Variants in ANKRD26 observed in about 807,000 individuals in gnomAD.
The protein encoded by ANKRD26 is ankyrin repeat domain-containing protein 26.
In ANKRD26, 141 loss-of-function variants were observed where a neutral mutation model predicts 208.7. The ratio of observed to expected loss-of-function variants is 0.68; its 90% CI spans 0.59 to 0.78. The LOEUF is 0.78. Ranked by LOEUF, ANKRD26 falls within the 30% of genes least tolerant of loss-of-function variation. The pLI, the probability that ANKRD26 is intolerant of heterozygous loss-of-function variation, is 0.00. For synonymous variants in ANKRD26, 636 were observed against 660.4 expected (o/e 0.96, Z 0.57); for missense variants, 1,889 against 1,938.7 (o/e 0.97, Z 0.48).
intron 6 of ANKRD26, among the ~76,000 whole-genome samples, chr10:27,082,441 A>C (rs942945033): frequency 3.8e-4 from 58 of 152,330 alleles, no homozygotes; most frequent in African/African-American, 1.4e-3. Context: ...AAAAACTCTG[A>C]GAGTTAACAT....
chr10:27,046,590 A>G, intron 17 of ANKRD26, 67 bp from the exon 18 acceptor site: 1 of 1,461,002 alleles, frequency 6.8e-7, no homozygotes, highest in South Asian at 1.2e-5. Flanking sequence ...ACATGCAGAA[A>G]GAGAGTTAAG....
the ANKRD26 span, among the ~76,000 whole-genome samples, chr10:26,954,776 G>T: frequency 1.3e-5 from 2 of 152,018 alleles, no homozygotes; most frequent in Admixed American, 6.6e-5. Flanking sequence ...TATGTTCTGA[G>T]AATCTAAAGC....
chr10:27,044,346 A>C (rs2054367488), intron 18 of ANKRD26, among the ~76,000 whole-genome samples, 156 bp from the exon 19 acceptor site: 1 of 152,170 alleles, frequency 6.6e-6, no homozygotes, highest in Non-Finnish European at 1.5e-5. Context: ...AATATAAAAG[A>C]TAATAACTTT....
At chr10:27,051,920 T>G (rs2054676156) in intron 16 of ANKRD26, 1 of 985,280 alleles carries the variant, frequency 1.0e-6, no homozygotes, top group African/African-American at 1.7e-5. Context: ...TGATGAGTTT[T>G]AAGTTATTTT....
At chr10:26,978,997 C>T (rs766168594) in intron 5 of ANKRD26, among the ~76,000 whole-genome samples, 4 of 152,056 alleles carry the variant, frequency 2.6e-5, no homozygotes, top group East Asian at 1.9e-4. Flanking sequence ...CCGAGGCGGG[C>T]GGATCACGAG....
intron 15 of ANKRD26, among the ~76,000 whole-genome samples, chr10:27,053,643 TTAA>T (rs747870256): frequency 6.6e-6 from 1 of 152,200 alleles, no homozygotes; most frequent in Non-Finnish European, 1.5e-5. Flanking sequence ...AAGTATCAAC[TTAA>T]TGAGGTATCT....
chr10:26,953,836 G>A, the ANKRD26 span, among the ~76,000 whole-genome samples: 1 of 152,110 alleles, frequency 6.6e-6, no homozygotes, highest in Non-Finnish European at 1.5e-5. Context: ...TTTGTTCCAT[G>A]GCTGGTGATC....
At position 27,076,997 on chromosome 10, in the gene ANKRD26, A is replaced by G. The variant is rs554039035; in HGVS notation, c.1077+341T>C. On this transcript the variant is annotated intron_variant, in intron 9 of 33. Coordinates refer to ENST00000376087, the MANE Select transcript of ANKRD26 (RefSeq NM_014915.3). ...GGGGAAATCCTCCCTAACTCATTCT[A>G]TAAAGCCAGTATCACCCTAATACCA... 145 of 238,126 alleles carry G rather than the reference A, an allele frequency of 6.1e-4. 3 individuals are homozygous for G. In the South Asian group the frequency reaches 8.6e-3, roughly 14 times the overall value. 14.8% of individuals were successfully genotyped at this position (238,126 alleles called of 1,614,324 possible).
downstream of ANKRD26, among the ~76,000 whole-genome samples, chr10:26,990,922 T>C (rs944589024): frequency 2.6e-5 from 4 of 152,160 alleles, no homozygotes; most frequent in African/African-American, 7.2e-5. Flanking sequence ...TTAAAGAGAA[T>C]TAGCAAGACA....
chr10:27,014,704 G>T lies in ANKRD26; in HGVS notation c.4514C>A (p.Ala1505Glu). Reference protein sequence around the residue: ...KEVNLFLQAQAASQENLEQFR... With the variant: ...KEVNLFLQAQEASQENLEQFR... ...CTGCTCTAAGTTTTCTTGAGATGCT[G>T]CTTGTGCCTAAAACAAATTAAAAGC... is the stretch of plus-strand genomic sequence containing the variant. Residue 1505 changes from alanine (A) to glutamate (E), a missense_variant, in exon 31 of 34, where the codon GCA becomes GAA. Coordinates refer to ENST00000376087, the MANE Select transcript of ANKRD26 (RefSeq NM_014915.3). 6.2e-7 allele frequency: 1 copy of T among 1,611,998 alleles called. No homozygotes were observed. The highest frequency in any genetic ancestry group is 1.8e-4 in the Middle Eastern group (1 of 5,506).
chr10:27,057,044 G>C (rs1291635295), intron 15 of ANKRD26, among the ~76,000 whole-genome samples: 1 of 152,158 alleles, frequency 6.6e-6, no homozygotes, highest in Non-Finnish European at 1.5e-5. Flanking sequence ...ATTTATCATT[G>C]ATTTTCAAAG....
At chr10:27,065,737 AAAAAAAAC>A (rs1564405892) in intron 11 of ANKRD26, among the ~76,000 whole-genome samples, 15 of 149,942 alleles carry the variant, frequency 1.0e-4, no homozygotes. Context: ...AAAAACAAAA[AAAAAAAAC>A]AAAAAAAACT....
chr10:27,030,481 T>G (rs1219102407), intron 25 of ANKRD26: 2 of 985,336 alleles, frequency 2.0e-6, no homozygotes, highest in Admixed American at 1.2e-4. Flanking sequence ...CTGTCTATGC[T>G]GAGCTGCTTT....
At chr10:27,000,240 C>G (rs34327621), downstream of ANKRD26, among the ~76,000 whole-genome samples, 14,271 of 152,162 alleles carry the variant, frequency 0.094, 797 homozygotes, top group East Asian at 0.28. Context: ...TTTTAAGATG[C>G]TAAGTTTGTG....
intron 17 of ANKRD26, among the ~76,000 whole-genome samples, 178 bp downstream of exon 17, chr10:27,048,623 T>C (rs1477938084): frequency 6.6e-6 from 1 of 152,216 alleles, no homozygotes; most frequent in African/African-American, 2.4e-5. Context: ...AATATCAATA[T>C]GATTGAAAAA....
At position 27,030,058 on chromosome 10, in the gene ANKRD26, A is replaced by C. The variant is rs754616738; in HGVS notation, c.3808-702T>G. Among the ~76,000 whole-genome samples the C allele has an allele frequency of 2.6e-5, 4 of 152,254 alleles. No homozygotes were observed. In the South Asian group the frequency reaches 8.3e-4, roughly 31 times the overall value. ...ATACATAAAGTACTTAGATGAGTAC[A>C]TGGCATATAGTGAGCTATATATAAT... On this transcript the variant is annotated intron_variant, in intron 25 of 33. Coordinates refer to ENST00000376087, the MANE Select transcript of ANKRD26 (RefSeq NM_014915.3).
At chr10:27,039,502 A>G (rs2054158185) in intron 21 of ANKRD26, among the ~76,000 whole-genome samples, 1 of 152,050 alleles carries the variant, frequency 6.6e-6, no homozygotes, top group Non-Finnish European at 1.5e-5. Flanking sequence ...TTCATTCTCT[A>G]TTGATTGAAA....
At chr10:26,960,791 T>A in the ANKRD26 span, among the ~76,000 whole-genome samples, 4 of 152,226 alleles carry the variant, frequency 2.6e-5, no homozygotes, top group Non-Finnish European at 5.9e-5. Context: ...GCAGATTCTG[T>A]GAATACAAGG....
At chr10:27,062,393 A>G in intron 12 of ANKRD26, 1 of 245,430 alleles carries the variant, frequency 4.1e-6, no homozygotes, top group Non-Finnish European at 6.5e-6. Context: ...TGTTACTCAG[A>G]GTGTGGTCCA....
Sources: allele counts gnomAD v4.1 joint callset (sites outside exome capture counted in the v4.1 genomes callset), GRCh38; gene constraint gnomAD v4.1.1; transcripts MANE v1.5; gene names NCBI Gene and HGNC (gene_info 2026-07-23, HGNC 2026-07-21).